OPCML: variants seen among roughly 807,000 people sequenced by gnomAD.
The protein encoded by OPCML is opioid binding protein/cell adhesion molecule like.
In OPCML, 13 loss-of-function variants were observed where a neutral mutation model predicts 37.8. The observed-to-expected ratio is 0.34, with a 90% confidence interval of 0.22 to 0.55. OPCML has a LOEUF of 0.55. Among genes scored for constraint, OPCML ranks in the 20% least tolerant of loss-of-function variants. The pLI is 0.91. For missense variants in OPCML, 341 were observed against 435.6 expected (o/e 0.78, Z 1.93); for synonymous variants, 176 against 168.8 (o/e 1.04, Z -0.33).
chr11:132,738,122 A>C (rs1945319206), intron 2 of OPCML, among the ~76,000 whole-genome samples: 1 of 152,188 alleles, frequency 6.6e-6, no homozygotes, highest in Non-Finnish European at 1.5e-5. Context: ...ATTGCGCTAG[A>C]GTGGGAAGCA....
At chr11:132,452,885 T>C (rs1290129818) in intron 4 of OPCML, among the ~76,000 whole-genome samples, 1 of 152,162 alleles carries the variant, frequency 6.6e-6, no homozygotes, top group Non-Finnish European at 1.5e-5. Context: ...AAGTGAGATT[T>C]CAAACATAGA....
chr11:133,109,830 T>A (rs1285965335), intron 1 of OPCML, among the ~76,000 whole-genome samples: 1 of 152,196 alleles, frequency 6.6e-6, no homozygotes, highest in East Asian at 1.9e-4. Flanking sequence ...AGAGTGGGAA[T>A]GTAAATTTAA....
rs764742037 is a variant in OPCML, at chr11:132,657,072, C to A, written c.379+15G>T. The A allele has an allele frequency of 6.2e-7, 1 of 1,610,676 alleles. No individual in the cohort carries two copies. The highest frequency in any genetic ancestry group is 8.5e-7 in the Non-Finnish European group (1 of 1,177,552). On this transcript the variant is annotated intron_variant, in intron 3 of 7. Transcript: ENST00000524381. ...ACTGACGGGAATGGCAACCCCAGAT[C>A]CAGCTGGGACTTACCTTGCACTATT... is the stretch of plus-strand genomic sequence containing the variant.
chr11:133,047,322 C>T (rs116124649), intron 1 of OPCML, among the ~76,000 whole-genome samples: 1,659 of 152,354 alleles, frequency 0.011, 34 homozygotes, highest in African/African-American at 0.038. Flanking sequence ...ATTTCTTCAT[C>T]GTGATGCAGC....
chr11:132,472,947 A>C (rs554364818), intron 4 of OPCML, among the ~76,000 whole-genome samples: 1 of 152,358 alleles, frequency 6.6e-6, no homozygotes, highest in African/African-American at 2.4e-5. Context: ...CCAAACCACC[A>C]GGGGATTCTT....
At chr11:133,154,956 T>C (rs1464928701) in intron 1 of OPCML, among the ~76,000 whole-genome samples, 1 of 152,186 alleles carries the variant, frequency 6.6e-6, no homozygotes, top group Non-Finnish European at 1.5e-5. Context: ...AGAAGAGTGA[T>C]ACAAGATGGG....
intron 2 of OPCML, among the ~76,000 whole-genome samples, chr11:132,850,345 T>C (rs765598208): frequency 2.0e-5 from 3 of 152,162 alleles, no homozygotes; most frequent in Admixed American, 6.5e-5. Flanking sequence ...TCAATCCCCC[T>C]TTGCCCATTA....
rs114665559 is a variant in OPCML, at chr11:132,857,736, C to T, written c.146+85190G>A. Among the ~76,000 whole-genome samples, 1,371 of 152,168 alleles carry T rather than the reference C, an allele frequency of 9.0e-3. 20 individuals carry two copies. The highest frequency in any genetic ancestry group is 0.032 in the African/African-American group (1,313 of 41,494). On this transcript the variant is annotated intron_variant, in intron 2 of 7. Transcript: ENST00000524381. Reference sequence around the variant, plus strand: ...CTATTTTTCATAAAAATTACTTATGCTAACATGTAATGAAATTTGTGTTGC... The same window carrying T: ...CTATTTTTCATAAAAATTACTTATGTTAACATGTAATGAAATTTGTGTTGC...
chr11:132,463,964 T>G (rs2096111601), intron 4 of OPCML, among the ~76,000 whole-genome samples: 1 of 152,238 alleles, frequency 6.6e-6, no homozygotes, highest in Non-Finnish European at 1.5e-5. Flanking sequence ...CTCAGTTTCT[T>G]CATCCTGTAA....
At chr11:132,848,797 T>C (rs1941669352) in intron 2 of OPCML, among the ~76,000 whole-genome samples, 1 of 152,224 alleles carries the variant, frequency 6.6e-6, no homozygotes, top group South Asian at 2.1e-4. Context: ...TCACTTTACT[T>C]CTCTGCCTTT....
At chr11:133,009,130 C>T in intron 1 of OPCML, 3 of 985,298 alleles carry the variant, frequency 3.0e-6, no homozygotes, top group Non-Finnish European at 3.6e-6. Flanking sequence ...TAACAGAGAA[C>T]ACTGATTTAG....
At chr11:133,203,419 GGCCAGGAGTATCTTC>G (rs1938889064) in intron 1 of OPCML, among the ~76,000 whole-genome samples, 2 of 152,170 alleles carry the variant, frequency 1.3e-5, no homozygotes, top group Non-Finnish European at 2.9e-5. Flanking sequence ...TATGGTATGA[GGCCAGGAGTATCTTC>G]GCCTCTCAGG....
intron 2 of OPCML, among the ~76,000 whole-genome samples, chr11:132,696,188 T>A (rs1264153176): frequency 6.6e-6 from 1 of 152,210 alleles, no homozygotes; most frequent in African/African-American, 2.4e-5. Flanking sequence ...TTTCCATGTC[T>A]GTGTTAAGAA....
At chr11:132,892,828 G>A (rs1161693885) in intron 2 of OPCML, among the ~76,000 whole-genome samples, 5 of 152,108 alleles carry the variant, frequency 3.3e-5, no homozygotes, top group African/African-American at 1.2e-4. Context: ...GCTATTTATT[G>A]AGTAGAATAT....
intron 1 of OPCML, among the ~76,000 whole-genome samples, chr11:133,024,080 C>T (rs1288783228): frequency 6.6e-6 from 1 of 152,168 alleles, no homozygotes; most frequent in Admixed American, 6.5e-5. Context: ...CAGCTCCCTC[C>T]CATGTGATCA....
chr11:132,986,701 C>T (rs1015143285), intron 1 of OPCML, among the ~76,000 whole-genome samples: 1 of 152,042 alleles, frequency 6.6e-6, no homozygotes, highest in African/African-American at 2.4e-5. Flanking sequence ...AGATTTTCTT[C>T]TTTTAAATGG....
chr11:132,864,184 C>T (rs1466435384), intron 2 of OPCML, among the ~76,000 whole-genome samples: 1 of 152,040 alleles, frequency 6.6e-6, no homozygotes, highest in Non-Finnish European at 1.5e-5. Context: ...GTGATCCACC[C>T]TCCTCGGCCT....
intron 3 of OPCML, among the ~76,000 whole-genome samples, chr11:132,628,864 G>A (rs1939908472): frequency 6.6e-6 from 1 of 152,122 alleles, no homozygotes; most frequent in Non-Finnish European, 1.5e-5. Flanking sequence ...ACTTCTTGCT[G>A]CTGCCATGTG....
chr11:133,045,392 C>A (rs932291851), intron 1 of OPCML, among the ~76,000 whole-genome samples: 1 of 152,176 alleles, frequency 6.6e-6, no homozygotes, highest in Non-Finnish European at 1.5e-5. Context: ...AAGGGACCCA[C>A]GCACCCCGGA....
Sources: gnomAD v4.1 joint callset for allele counts (sites outside exome capture counted in the v4.1 genomes callset) on GRCh38, gnomAD v4.1.1 for gene constraint, MANE v1.5 for transcripts, NCBI Gene and HGNC (gene_info 2026-07-23, HGNC 2026-07-21) for gene names.